The following CTNNA2 variants were observed in gnomAD, a reference collection of about 807,000 sequenced individuals.
CTNNA2 encodes catenin alpha-2.
CTNNA2 carries 42 observed loss-of-function variants against 101.0 expected under a neutral mutation model. The ratio of observed to expected loss-of-function variants is 0.42; its 90% confidence interval spans 0.32 to 0.54. The LOEUF is 0.54. Ranked by LOEUF, CTNNA2 falls within the 20% of genes least tolerant of loss-of-function variation. The probability of loss-of-function intolerance (pLI) is 0.14; values close to 1 mark genes in which losing one functional copy is unlikely to be tolerated. For synonymous variants in CTNNA2, 450 were observed against 456.4 expected (o/e 0.99, Z 0.18); for missense variants, 871 against 1,223.1 (o/e 0.71, Z 4.29).
At chr2:79,941,044 G>T (rs1688125316) in intron 7 of CTNNA2, among the ~76,000 whole-genome samples, 1 of 152,136 alleles carries the variant, frequency 6.6e-6, no homozygotes, top group African/African-American at 2.4e-5. Context: ...CTGAGGGACT[G>T]GTAGTCTTGA....
chr2:79,235,036 C>T lies in CTNNA2; in HGVS notation c.-406+36960C>T, dbSNP rs931084639. 2.6e-5 allele frequency among the ~76,000 whole-genome samples: 4 copies of T among 152,168 alleles called. No homozygotes were observed. The East Asian group carries it at 7.7e-4, about 29-fold the overall frequency. On this transcript the variant is annotated intron_variant, in intron 2 of 21. Transcript: ENST00000466387. ...TCTATGTCCATCACTTCAGTCATCT[C>T]AATCTAGCTAATTATCATTTCTGAG...
At chr2:80,553,436 A>C (rs1692762445) in intron 11 of CTNNA2, among the ~76,000 whole-genome samples, 1 of 152,096 alleles carries the variant, frequency 6.6e-6, no homozygotes, top group South Asian at 2.1e-4. Context: ...TTGCCTCTTA[A>C]ATTAGTTGCA....
chr2:80,229,478 A>C (rs1219808422), intron 7 of CTNNA2, among the ~76,000 whole-genome samples: 1 of 152,226 alleles, frequency 6.6e-6, no homozygotes, highest in Non-Finnish European at 1.5e-5. Context: ...AAAAGGATAC[A>C]ACTCAGGAAC....
chr2:79,276,671 T>A lies in CTNNA2; in HGVS notation c.-405-36038T>A, dbSNP rs372297721. 9.2e-5 allele frequency among the ~76,000 whole-genome samples: 14 copies of A among 152,194 alleles called. No individual in the cohort carries two copies. The East Asian group carries it at 2.7e-3, about 29-fold the overall frequency. Reference sequence around the variant, plus strand: ...TAACTTTTATTTATTTCTTTTCACATCTTTTGGTGGTTTTCTAAAGTTTTC... The same window carrying A: ...TAACTTTTATTTATTTCTTTTCACAACTTTTGGTGGTTTTCTAAAGTTTTC... On this transcript the variant is annotated intron_variant, in intron 2 of 21. Coordinates refer to the CTNNA2 transcript ENST00000466387.
chr2:79,965,039 C>T (rs1689934515), intron 7 of CTNNA2, among the ~76,000 whole-genome samples: 2 of 152,186 alleles, frequency 1.3e-5, no homozygotes. Flanking sequence ...GAATCAAATC[C>T]CTGTGCTTGA....
intron 1 of CTNNA2, among the ~76,000 whole-genome samples, chr2:79,530,170 A>G (rs1672652577): frequency 1.3e-5 from 2 of 152,240 alleles, no homozygotes; most frequent in South Asian, 2.1e-4. Context: ...TGCATTCTTT[A>G]TTTTACTACA....
chr2:80,347,862 G>T (rs941543228), intron 7 of CTNNA2, among the ~76,000 whole-genome samples: 1 of 146,152 alleles, frequency 6.8e-6, no homozygotes, highest in African/African-American at 2.5e-5. Flanking sequence ...TTTCCAGAAG[G>T]GTTGTTTAAA....
intron 7 of CTNNA2, among the ~76,000 whole-genome samples, chr2:80,032,233 C>T (rs1344430434): frequency 6.6e-6 from 1 of 152,142 alleles, no homozygotes; most frequent in Non-Finnish European, 1.5e-5. Flanking sequence ...AGCAAAAATA[C>T]ACGTTCTTCA....
At chr2:80,494,042 A>G (rs985211838) in intron 9 of CTNNA2, among the ~76,000 whole-genome samples, 4 of 152,156 alleles carry the variant, frequency 2.6e-5, no homozygotes, top group African/African-American at 9.7e-5. Flanking sequence ...TTCTGGGAGG[A>G]GAAACACAGT....
At position 79,315,722 on chromosome 2, in the gene CTNNA2, G is replaced by A. The variant is rs959535782; in HGVS notation, c.-318+2926G>A. On this transcript the variant is annotated intron_variant, in intron 3 of 21. Coordinates refer to the CTNNA2 transcript ENST00000466387. ...GGATAGTGCTACTATGAATATCCAC[G>A]CACAAGTTTTTGTATGGACCTACGT... 4.6e-5 allele frequency among the ~76,000 whole-genome samples: 7 copies of A among 152,026 alleles called. No homozygotes were observed. The South Asian group carries it at 8.3e-4, about 18-fold the overall frequency.
chr2:79,830,807 G>A (rs764508695), intron 3 of CTNNA2, among the ~76,000 whole-genome samples: 5 of 152,126 alleles, frequency 3.3e-5, no homozygotes, highest in Non-Finnish European at 5.9e-5. Flanking sequence ...TCCGATGCCC[G>A]TTTCTATTAG....
chr2:79,674,079 T>A (rs780340001), intron 2 of CTNNA2, among the ~76,000 whole-genome samples: 1 of 152,196 alleles, frequency 6.6e-6, no homozygotes, highest in African/African-American at 2.4e-5. Context: ...AATTTCTGAT[T>A]CAGTAGGTCT....
intron 7 of CTNNA2, among the ~76,000 whole-genome samples, chr2:80,146,056 G>A (rs927736336): frequency 1.3e-5 from 2 of 152,266 alleles, no homozygotes; most frequent in Admixed American, 1.3e-4. Flanking sequence ...GCCATTTGCA[G>A]TACTTTCTCT....
At chr2:80,041,269 ATT>A (rs879379818) in intron 7 of CTNNA2, among the ~76,000 whole-genome samples, 8 of 143,696 alleles carry the variant, frequency 5.6e-5, no homozygotes, top group African/African-American at 7.6e-5. Context: ...AGTAATTTTT[ATT>A]TTTTTTTTTT....
intron 7 of CTNNA2, among the ~76,000 whole-genome samples, chr2:80,341,051 CT>C (rs777089077): frequency 5.3e-5 from 8 of 152,156 alleles, no homozygotes; most frequent in Non-Finnish European, 1.0e-4. Context: ...CAGAAGACTC[CT>C]GAATACAGGA....
chr2:79,324,051 C>T (rs1433943657), intron 3 of CTNNA2, among the ~76,000 whole-genome samples: 2 of 152,174 alleles, frequency 1.3e-5, no homozygotes, highest in Non-Finnish European at 2.9e-5. Context: ...TTTCTTGTTG[C>T]TTAAGCCAAT....
chr2:79,635,925 A>G (rs75497478), intron 1 of CTNNA2, among the ~76,000 whole-genome samples: 16,539 of 151,642 alleles, frequency 0.11, 1,220 homozygotes, highest in East Asian at 0.36. Context: ...AACTCGTTGT[A>G]TATAGGAGGC....
intron 6 of CTNNA2, among the ~76,000 whole-genome samples, chr2:79,877,756 C>T (rs950883669): frequency 2.6e-5 from 4 of 152,012 alleles, no homozygotes; most frequent in African/African-American, 7.3e-5. Flanking sequence ...ATAAGTTTAA[C>T]GTCTTTGAAA....
At chr2:79,499,585 T>G (rs1671297826) in intron 4 of CTNNA2, among the ~76,000 whole-genome samples, 1 of 152,192 alleles carries the variant, frequency 6.6e-6, no homozygotes, top group Non-Finnish European at 1.5e-5. Flanking sequence ...CCTCTAGATT[T>G]CTTACGCCAC....
Sources: gnomAD v4.1 joint callset for allele counts (sites outside exome capture counted in the v4.1 genomes callset) on GRCh38, gnomAD v4.1.1 for gene constraint, MANE v1.5 for transcripts, NCBI Gene and HGNC (gene_info 2026-07-23, HGNC 2026-07-21) for gene names.